RGS4: variants seen among roughly 807,000 people sequenced by gnomAD.
RGS4 encodes schizophrenia disorder 9.
In RGS4, 15 loss-of-function variants were observed where a neutral mutation model predicts 21.6. The ratio of observed to expected loss-of-function variants is 0.69; its 90% CI spans 0.46 to 1.07. The LOEUF is 1.07. RGS4 is among the 50% of genes least tolerant of loss of function. The probability of loss-of-function intolerance (pLI) is 0.00; values close to 1 mark genes in which losing one functional copy is unlikely to be tolerated. For missense variants in RGS4, 237 were observed against 239.0 expected (o/e 0.99, Z 0.06); for synonymous variants, 94 against 85.5 (o/e 1.10, Z -0.55).
At position 163,074,725 on chromosome 1, in the gene RGS4, C is replaced by A; in HGVS notation, c.*165C>A. 9.7e-7 allele frequency: 1 copy of A among 1,035,504 alleles called. No homozygotes were observed. Among genetic ancestry groups the A allele is most frequent in the South Asian group, 1.3e-5 (1 of 75,100 alleles). The allele number at this position is 1,035,504 out of a possible 1,614,324, so 64.1% of individuals were successfully genotyped here. On this transcript the variant is annotated 3_prime_UTR_variant, in exon 5 of 5. Transcript: ENST00000367909. ...ACTTCTACGCATAAACTAGATATAG[C>A]TTTTGGTGTTTGAGTGTTCATCAGG...
chr1:163,070,274 A>G (rs1157683388), intron 1 of RGS4, among the ~76,000 whole-genome samples: 2 of 152,164 alleles, frequency 1.3e-5, no homozygotes, highest in African/African-American at 4.8e-5. Context: ...TTTGTTCAAA[A>G]AAGGTATAAA....
At chr1:163,074,177 C>A in intron 4 of RGS4, 144 bp from the exon 5 acceptor site, 1 of 956,428 alleles carries the variant, frequency 1.0e-6, no homozygotes, top group Non-Finnish European at 1.6e-6. Flanking sequence ...CTCACATGTG[C>A]CAAGGAGGAC....
At chr1:163,074,080 G>C in intron 4 of RGS4, 3 of 528,614 alleles carry the variant, frequency 5.7e-6, no homozygotes, top group Non-Finnish European at 9.9e-6. Flanking sequence ...TTTTTCTGAT[G>C]AATCTCCCCA....
rs564712215 is a variant in RGS4 at position 163,074,812 on chromosome 1, T to C, written c.*252T>C. On this transcript the variant is annotated 3_prime_UTR_variant, in exon 5 of 5. Coordinates refer to ENST00000367909, the MANE Select transcript of RGS4 (RefSeq NM_005613.6). ...TTTGAGGGTTCCATGGGAGCAAATA[T>C]CTAAATAATGGCCTGGTAGGTCTGG... 1 of 618,976 alleles carries C rather than the reference T, an allele frequency of 1.6e-6. No individual in the cohort carries two copies. The highest frequency in any genetic ancestry group is 2.7e-5 in the Admixed American group (1 of 36,514). The allele number at this position is 618,976 out of a possible 1,614,324, so 38.3% of individuals were successfully genotyped here.
rs1040832562 is a variant in RGS4, at chr1:163,074,674, T to C, written c.*114T>C. Reference sequence around the variant, plus strand: ...GCTTTATCCACATTGTAGCCTAATATTCATGCTGCCTGCCATGTGTGAGTC... The same window carrying C: ...GCTTTATCCACATTGTAGCCTAATACTCATGCTGCCTGCCATGTGTGAGTC... On this transcript the variant is annotated 3_prime_UTR_variant, in exon 5 of 5. Transcript: ENST00000367909. 7 of 1,444,560 alleles carry C rather than the reference T, an allele frequency of 4.8e-6. No individual in the cohort carries two copies. The Admixed American group carries it at 1.2e-4, about 24-fold the overall frequency. 89.5% of individuals were successfully genotyped at this position (1,444,560 alleles called of 1,614,324 possible).
chr1:163,074,655 T>C lies in RGS4; in HGVS notation c.*95T>C. On this transcript the variant is annotated 3_prime_UTR_variant, in exon 5 of 5. Coordinates refer to ENST00000367909, the MANE Select transcript of RGS4 (RefSeq NM_005613.6). Reference sequence around the variant, plus strand: ...ATCTGTATTAAGCTCCAGTGCTTTATCCACATTGTAGCCTAATATTCATGC... The same window carrying C: ...ATCTGTATTAAGCTCCAGTGCTTTACCCACATTGTAGCCTAATATTCATGC... The C allele has an allele frequency of 2.6e-6, 4 of 1,549,298 alleles. No individual in the cohort carries two copies. Among genetic ancestry groups the C allele is most frequent in the Non-Finnish European group, 3.6e-6 (4 of 1,123,482 alleles).
intron 3 of RGS4, 45 bp from the exon 4 acceptor site, chr1:163,073,411 C>T (rs748897715): frequency 2.7e-6 from 4 of 1,478,996 alleles, no homozygotes; most frequent in Admixed American, 5.0e-5. Flanking sequence ...ATCCAAGAGG[C>T]CAACCAGTGT....
Position 163,074,845 on chromosome 1 carries a change from A to C in RGS4, c.*285A>C. The C allele has an allele frequency of 1.7e-6, 1 of 602,378 alleles. No individual in the cohort carries two copies. Among genetic ancestry groups the C allele is most frequent in the Non-Finnish European group, 2.9e-6 (1 of 339,822 alleles). 37.3% of individuals were successfully genotyped at this position (602,378 alleles called of 1,614,324 possible). ...ATGGCCTGGTAGGTCTGGATTTTCAAAGATTGTTGGCAGTTTCCTCCTCCC... is the reference window on the plus strand; with the variant it reads ...ATGGCCTGGTAGGTCTGGATTTTCACAGATTGTTGGCAGTTTCCTCCTCCC... On this transcript the variant is annotated 3_prime_UTR_variant, in exon 5 of 5. Transcript: ENST00000367909.
intron 4 of RGS4, chr1:163,073,872 C>A: frequency 2.4e-6 from 1 of 411,120 alleles, no homozygotes; most frequent in Non-Finnish European, 4.3e-6. Context: ...TCCCTCTACC[C>A]AACTTTCTAT....
At chr1:163,072,281 C>T in intron 1 of RGS4, 114 bp from the exon 2 acceptor site, 1 of 913,552 alleles carries the variant, frequency 1.1e-6, no homozygotes, top group Non-Finnish European at 1.6e-6. Flanking sequence ...ACTCCCGTTC[C>T]CTAAACTGTC....
chr1:163,073,048 G>A (rs573192496), intron 3 of RGS4, among the ~76,000 whole-genome samples, 182 bp downstream of exon 3: 3 of 152,230 alleles, frequency 2.0e-5, no homozygotes, highest in Non-Finnish European at 2.9e-5. Flanking sequence ...GATATACAAT[G>A]AAAAGTTTAT....
Position 163,072,812 on chromosome 1 carries a change from C to G in RGS4, c.157C>G (p.Gln53Glu). 2.5e-6 allele frequency: 4 copies of G among 1,612,654 alleles called. No individual in the cohort carries two copies. The highest frequency in any genetic ancestry group is 3.4e-6 in the Non-Finnish European group (4 of 1,179,224). ...TCTCTCTATTTTTTCTAGAGTGAGC[C>G]AAGAGGAAGTCAAGAAATGGGCTGA... ...DKVVICQRVS[Q>E]EEVKKWAESL... Residue 53 changes from glutamine to glutamate, a missense_variant, in exon 3 of 5, where the codon CAA becomes GAA. Physicochemically the swap from Gln to Glu is conservative, Grantham distance 29. Transcript: ENST00000367909.
In RGS4 at chr1:163,074,410, T is replaced by A. The variant is rs1557860234; in HGVS notation, c.468T>A (p.Ile156=). 1 of 1,613,892 alleles carries A rather than the reference T, an allele frequency of 6.2e-7. No individual in the cohort carries two copies. Among genetic ancestry groups the A allele is most frequent in the Non-Finnish European group, 8.5e-7 (1 of 1,179,844 alleles). The change falls in exon 5 of 5, where the codon ATT becomes ATA. Residue 156 remains isoleucine (I), a synonymous_variant. Transcript: ENST00000367909. The stretch of plus-strand genomic sequence containing the variant: ...GCTTTGATGAGGCCCAGAAGAAGAT[T>A]TTCAACCTGATGGAGAAGGATTCCT... ...ITCFDEAQKK[I]FNLMEKDSYR...
upstream of RGS4, chr1:163,068,936 T>A: frequency 6.3e-7 from 1 of 1,588,692 alleles, no homozygotes; most frequent in South Asian, 1.1e-5. Flanking sequence ...TCTTGGACCA[T>A]GTATAATATG....
intron 1 of RGS4, chr1:163,070,732 C>A (rs765161903): frequency 6.6e-6 from 1 of 152,122 alleles, no homozygotes; most frequent in Non-Finnish European, 1.5e-5. Context: ...AAATATTTTG[C>A]AAAACAGATA....
chr1:163,072,011 GC>G, intron 1 of RGS4: 1 of 991,042 alleles, frequency 1.0e-6, no homozygotes, highest in Non-Finnish European at 1.2e-6. Context: ...ATCTTTTGCC[GC>G]TACTGCTTTC....
At chr1:163,072,570 G>A (rs982688125) in intron 2 of RGS4, 71 bp downstream of exon 2, 2 of 1,190,352 alleles carry the variant, frequency 1.7e-6, no homozygotes, top group East Asian at 4.9e-5. Flanking sequence ...TCTGTGAGAA[G>A]GAACTTGTGC....
In RGS4 at chr1:163,073,570, C is replaced by T. The variant is rs1655394220; in HGVS notation, c.326C>T (p.Pro109Leu). Residue 109 changes from proline (P) to leucine (L), a missense_variant, in exon 4 of 5, where the codon CCC becomes CTC. By Grantham distance (98) the Pro-to-Leu change is moderately conservative (BLOSUM62 -3). Transcript: ENST00000367909. ...KKIKSPSKLSPKAKKIYNEFI... is the reference protein window; with the variant it reads ...KKIKSPSKLSLKAKKIYNEFI... Reference sequence around the variant, plus strand: ...ATCAAATCACCATCTAAACTAAGTCCCAAGGCCAAAAAGATCTATAATGAA... The same window carrying T: ...ATCAAATCACCATCTAAACTAAGTCTCAAGGCCAAAAAGATCTATAATGAA... 2.5e-6 allele frequency: 4 copies of T among 1,610,812 alleles called. No individual in the cohort carries two copies. The highest frequency in any genetic ancestry group is 2.5e-6 in the Non-Finnish European group (3 of 1,178,938).
chr1:163,072,478 A>T lies in RGS4; in HGVS notation c.128A>T (p.Asp43Val). 6.2e-7 allele frequency: 1 copy of T among 1,612,548 alleles called. No individual in the cohort carries two copies. The highest frequency in any genetic ancestry group is 8.5e-7 in the Non-Finnish European group (1 of 1,178,844). ...CACAATTCTTCCCACAACAAGAAGG[A>T]CAAAGTGGTTATTTGCCAGAGGTAA... ...CEHNSSHNKK[D>V]KVVICQRVSQ... The change falls in exon 2 of 5, where the codon GAC becomes GTC. Residue 43 changes from aspartate (D) to valine (V), a missense_variant. By Grantham distance (152) the Asp-to-Val change is radical. Transcript: ENST00000367909.
Sources: allele counts gnomAD v4.1 joint callset (sites outside exome capture counted in the v4.1 genomes callset), GRCh38; gene constraint gnomAD v4.1.1; transcripts MANE v1.5; gene names NCBI Gene and HGNC (gene_info 2026-07-23, HGNC 2026-07-21).